Variants in SULT4A1 observed in about 807,000 individuals in gnomAD.
SULT4A1 encodes the protein sulfotransferase 4A1.
A neutral mutation model predicts 35.2 loss-of-function variants in SULT4A1; 11 were observed. The ratio of observed to expected loss-of-function variants is 0.31; its 90% CI spans 0.20 to 0.52. The LOEUF (loss-of-function observed/expected upper bound fraction) is 0.52, where lower values mean the gene tolerates loss of function less well. SULT4A1 is among the 20% of genes least tolerant of loss of function. The pLI is 0.97. For missense variants in SULT4A1, 271 were observed against 383.7 expected, an observed-to-expected ratio of 0.71 and a Z score of 2.45; for synonymous variants, 152 against 151.8, an observed-to-expected ratio of 1.00 and a Z score of -0.01.
rs367771301 is a variant in SULT4A1, at chr22:43,840,780, G to C, written c.301-755C>G. Among the ~76,000 whole-genome samples, 8 of 152,334 alleles carry C rather than the reference G, an allele frequency of 5.3e-5. No homozygotes were observed. The East Asian group carries it at 5.8e-4, about 11-fold the overall frequency. ...GTCTTCCCAGCTGCCCTAGGAATGG[G>C]CCCAGCCCTCATGAAGCCAAAGAGC... is the stretch of plus-strand genomic sequence containing the variant. On this transcript the variant is annotated intron_variant, in intron 2 of 6. Coordinates refer to ENST00000330884, the MANE Select transcript of SULT4A1 (RefSeq NM_014351.4).
At chr22:43,855,642 C>T (rs1014450058) in intron 1 of SULT4A1, among the ~76,000 whole-genome samples, 8 of 152,154 alleles carry the variant, frequency 5.3e-5, no homozygotes, top group African/African-American at 1.7e-4. Flanking sequence ...GCTAGGAGCC[C>T]GCTCCCTGCT....
intron 4 of SULT4A1, among the ~76,000 whole-genome samples, chr22:43,836,962 C>T (rs528839450): frequency 6.6e-6 from 1 of 152,396 alleles, no homozygotes; most frequent in East Asian, 1.9e-4. Flanking sequence ...GTGTCACCTG[C>T]CTCCAGGGCC....
At chr22:43,849,526 GA>G (rs1484707171) in intron 1 of SULT4A1, among the ~76,000 whole-genome samples, 1 of 152,186 alleles carries the variant, frequency 6.6e-6, no homozygotes, top group African/African-American at 2.4e-5. Flanking sequence ...ACATCGGACA[GA>G]AGCAGTGTGA....
At chr22:43,840,149 CAG>C in intron 2 of SULT4A1, 124 bp from the exon 3 acceptor site, 1 of 709,264 alleles carries the variant, frequency 1.4e-6, no homozygotes, top group Admixed American at 2.6e-5. Flanking sequence ...GTGGAGTTAT[CAG>C]AGGGAACGGC....
At chr22:43,845,293 G>A (rs868550338) in intron 1 of SULT4A1, among the ~76,000 whole-genome samples, 27 of 151,698 alleles carry the variant, frequency 1.8e-4, no homozygotes, top group Admixed American at 5.9e-4. Flanking sequence ...ATCAGCCTCC[G>A]GGGCACATGC....
intron 2 of SULT4A1, among the ~76,000 whole-genome samples, chr22:43,840,865 G>A (rs1168962403): frequency 1.3e-5 from 2 of 152,196 alleles, no homozygotes; most frequent in South Asian, 2.1e-4. Context: ...CAGGCCCCTC[G>A]TGCCGTGGGG....
At chr22:43,855,285 T>C (rs931893644) in intron 1 of SULT4A1, among the ~76,000 whole-genome samples, 22 of 152,154 alleles carry the variant, frequency 1.4e-4, no homozygotes, top group Admixed American at 6.5e-5. Flanking sequence ...AAATGGCCTA[T>C]TTCATGGCAA....
chr22:43,826,410 GA>G, intron 6 of SULT4A1: 2 of 985,370 alleles, frequency 2.0e-6, no homozygotes, highest in Non-Finnish European at 2.4e-6. Flanking sequence ...GCCCACCAGG[GA>G]GACTCTACTC....
At chr22:43,859,797 G>A (rs896133693) in intron 1 of SULT4A1, among the ~76,000 whole-genome samples, 12 of 152,210 alleles carry the variant, frequency 7.9e-5, no homozygotes, top group Admixed American at 6.5e-4. Context: ...CTAGCCCCAT[G>A]TGGCTACTGA....
chr22:43,827,579 T>C (rs1388570223), intron 6 of SULT4A1: 1 of 1,366,246 alleles, frequency 7.3e-7, no homozygotes, highest in African/African-American at 1.5e-5. Flanking sequence ...GCAATGCAGC[T>C]GGCTACTCGG....
At chr22:43,832,477 G>A (rs977030057) in intron 5 of SULT4A1, among the ~76,000 whole-genome samples, 4 of 152,134 alleles carry the variant, frequency 2.6e-5, no homozygotes, top group African/African-American at 4.8e-5. Flanking sequence ...TGCGAAGGCC[G>A]ACCTGGCCCG....
intron 1 of SULT4A1, among the ~76,000 whole-genome samples, chr22:43,856,791 C>T (rs771781072): frequency 4.6e-5 from 7 of 152,152 alleles, no homozygotes; most frequent in South Asian, 2.1e-4. Context: ...ACCAGACCAA[C>T]GAGGCGGGGT....
chr22:43,862,102 C>T, intron 1 of SULT4A1, 112 bp downstream of exon 1: 1 of 701,530 alleles, frequency 1.4e-6, no homozygotes, highest in Non-Finnish European at 1.8e-6. Context: ...GGGGCGGAGG[C>T]CAAGGGCGAC....
At chr22:43,838,199 G>A (rs2063392909) in intron 4 of SULT4A1, among the ~76,000 whole-genome samples, 1 of 152,242 alleles carries the variant, frequency 6.6e-6, no homozygotes, top group Admixed American at 6.5e-5. Context: ...GAGCGAGTGG[G>A]ACCAAGACAA....
intron 6 of SULT4A1, 156 bp downstream of exon 6, chr22:43,828,904 C>G: frequency 1.3e-6 from 1 of 794,264 alleles, no homozygotes. Flanking sequence ...CCATGGGCAC[C>G]AGCTAACAGA....
chr22:43,856,463 C>T (rs932491177), intron 1 of SULT4A1, among the ~76,000 whole-genome samples: 2 of 152,162 alleles, frequency 1.3e-5, no homozygotes, highest in African/African-American at 2.4e-5. Flanking sequence ...TGAAAAAGCC[C>T]TACCCAGACC....
chr22:43,845,405 C>G (rs17570873), intron 1 of SULT4A1, among the ~76,000 whole-genome samples: 1 of 152,140 alleles, frequency 6.6e-6, no homozygotes, highest in African/African-American at 2.4e-5. Context: ...ATCCGCAGCC[C>G]GTCTCAGCAA....
At chr22:43,840,573 C>T (rs991103562) in intron 2 of SULT4A1, among the ~76,000 whole-genome samples, 3 of 152,156 alleles carry the variant, frequency 2.0e-5, no homozygotes, top group Non-Finnish European at 4.4e-5. Flanking sequence ...CTTGGAGTGG[C>T]GTCGGAGGGC....
At position 43,838,854 on chromosome 22, in the gene SULT4A1, C is replaced by T. The variant is rs369801467; in HGVS notation, c.508+13G>A. 3.7e-6 allele frequency: 6 copies of T among 1,613,710 alleles called. No individual in the cohort carries two copies. The African/African-American group carries it at 6.7e-5, about 18-fold the overall frequency. ...GCTCCGGTTCTAACATGCCGCCAGGCTGCAACACTCACGCTTATCATTCAT... is the reference window on the plus strand; with the variant it reads ...GCTCCGGTTCTAACATGCCGCCAGGTTGCAACACTCACGCTTATCATTCAT... On this transcript the variant is annotated intron_variant, in intron 4 of 6. Coordinates refer to ENST00000330884, the MANE Select transcript of SULT4A1 (RefSeq NM_014351.4).
Sources: gnomAD v4.1 joint callset for allele counts (sites outside exome capture counted in the v4.1 genomes callset) on GRCh38, gnomAD v4.1.1 for gene constraint, MANE v1.5 for transcripts, NCBI Gene and HGNC (gene_info 2026-07-23, HGNC 2026-07-21) for gene names.